Variants in GIT2 observed in about 807,000 individuals in gnomAD.
The protein encoded by GIT2 is ARF GTPase-activating protein GIT2.
A neutral mutation model predicts 100.3 loss-of-function variants in GIT2; 32 were observed. That is an observed-to-expected ratio of 0.32 (90% confidence interval 0.24 to 0.43). The LOEUF is 0.43. GIT2 is among the 20% of genes least tolerant of loss of function. The pLI, the probability that GIT2 is intolerant of heterozygous loss-of-function variation, is 1.00. For synonymous variants in GIT2, 353 were observed against 364.1 expected, an observed-to-expected ratio of 0.97 and a Z score of 0.35; for missense variants, 737 against 975.1, an observed-to-expected ratio of 0.76 and a Z score of 3.25.
At chr12:109,960,976 T>C (rs1022735229) in intron 11 of GIT2, among the ~76,000 whole-genome samples, 15 of 152,226 alleles carry the variant, frequency 9.9e-5, no homozygotes, top group Non-Finnish European at 1.3e-4. Context: ...TTTTATTAAT[T>C]TGACTGATAA....
At chr12:109,970,179 C>A (rs367725438) in intron 7 of GIT2, among the ~76,000 whole-genome samples, 3 of 151,986 alleles carry the variant, frequency 2.0e-5, no homozygotes, top group Non-Finnish European at 2.9e-5. Flanking sequence ...CATGGATGTC[C>A]GGTTGTCCCA....
chr12:109,945,607 AT>A (rs2136223274), intron 15 of GIT2, among the ~76,000 whole-genome samples: 1 of 152,288 alleles, frequency 6.6e-6, no homozygotes, highest in African/African-American at 2.4e-5. Flanking sequence ...CTTGTCAATA[AT>A]TTTTTAATGG....
Position 109,996,199 on chromosome 12 carries a change from TC to T in GIT2, c.25del (p.Glu9ArgfsTer16). On this transcript the variant is annotated frameshift_variant, in exon 1 of 20. Transcript: ENST00000355312. LOFTEE classifies it high-confidence loss of function. MSKRLRSS[E>X]VCADCSGPDP... ...CGGCCCGCTGCAGTCAGCGCACACCTCGCTGCTCCGGAGCCGTTTCGACATG... is the reference window on the plus strand; with the variant it reads ...CGGCCCGCTGCAGTCAGCGCACACCTGCTGCTCCGGAGCCGTTTCGACATG... 1 of 1,532,366 alleles carries T rather than the reference TC, an allele frequency of 6.5e-7. No individual in the cohort carries two copies. The highest frequency in any genetic ancestry group is 2.0e-5 in the Admixed American group (1 of 49,582). The allele number at this position is 1,532,366 out of a possible 1,614,324, so 94.9% of individuals were successfully genotyped here.
At chr12:109,963,999 C>CT (rs1283273080) in intron 9 of GIT2, among the ~76,000 whole-genome samples, 1 of 152,212 alleles carries the variant, frequency 6.6e-6, no homozygotes, top group Non-Finnish European at 1.5e-5. Context: ...TGTTCCAGGT[C>CT]TTTACTTCAT....
In GIT2 at chr12:109,934,585, C is replaced by T. The variant is rs1266255133; in HGVS notation, c.2004-500G>A. On this transcript the variant is annotated intron_variant, in intron 18 of 19. Coordinates refer to ENST00000355312, the MANE Select transcript of GIT2 (RefSeq NM_057169.5). The surrounding 1 kb of genome is among the most constrained non-coding windows in gnomAD (Gnocchi z 4.5). ...TTTTTGTAGAGGAGTCCCACTATGT[C>T]GCCCAGCCTTGTGTTGAACTCCTGG... Among the ~76,000 whole-genome samples, 1 of 152,180 alleles carries T rather than the reference C, an allele frequency of 6.6e-6. No homozygotes were observed. The highest frequency in any genetic ancestry group is 2.4e-5 in the African/African-American group (1 of 41,444).
chr12:109,959,927 T>C lies in GIT2; in HGVS notation c.1019A>G (p.His340Arg). Residue 340 changes from histidine (H) to arginine (R), a missense_variant, in exon 12 of 20, where the codon CAT (histidine) becomes CGT (arginine). Transcript: ENST00000355312. ...GTCAATGACCAGCGTGGCAAACTCA[T>C]GGGCGTTGAACCGAGCTAACTTCTG... The part of the protein sequence containing the change: ...GRQKLARFNA[H>R]EFATLVIDIL... 2.5e-6 allele frequency: 4 copies of C among 1,613,740 alleles called. No individual in the cohort carries two copies. Among genetic ancestry groups the C allele is most frequent in the Non-Finnish European group, 3.4e-6 (4 of 1,179,634 alleles).
chr12:109,967,378 AAATAT>A (rs1157342500), intron 8 of GIT2, 75 bp downstream of exon 8: 2 of 1,536,146 alleles, frequency 1.3e-6, no homozygotes, highest in African/African-American at 2.7e-5. Context: ...GTTAAACACA[AAATAT>A]AATATACTTA....
At chr12:109,943,964 G>A (rs151113295) in intron 16 of GIT2, among the ~76,000 whole-genome samples, 2 of 152,274 alleles carry the variant, frequency 1.3e-5, no homozygotes, top group African/African-American at 4.8e-5. Context: ...AAGTGTGTGA[G>A]TCACTGCACT....
intron 4 of GIT2, among the ~76,000 whole-genome samples, chr12:109,984,934 G>A (rs1451731535): frequency 6.6e-6 from 1 of 152,092 alleles, no homozygotes; most frequent in Non-Finnish European, 1.5e-5. Context: ...TTCTTGGCCT[G>A]TATAATATGC....
chr12:109,971,721 G>A (rs1223993270), intron 7 of GIT2, among the ~76,000 whole-genome samples: 10 of 151,668 alleles, frequency 6.6e-5, no homozygotes, highest in African/African-American at 2.4e-4. Flanking sequence ...GGCAGGGTGC[G>A]GTGGCTCACA....
chr12:109,999,325 T>C (rs1889809169), upstream of GIT2: 3 of 154,090 alleles, frequency 1.9e-5, no homozygotes, highest in Admixed American at 1.3e-4. The surrounding 1 kb of genome is among the most constrained non-coding windows in gnomAD (Gnocchi z 4.3). Flanking sequence ...TGGAGGTGGG[T>C]GCAATGGCGC....
rs1342154089 is a variant in GIT2 at position 109,935,128 on chromosome 12, G to T, written c.2004-1043C>A. Among the ~76,000 whole-genome samples the T allele has an allele frequency of 8.6e-5, 13 of 150,690 alleles. 1 individual carries two copies. Among genetic ancestry groups the T allele is most frequent in the Admixed American group, 7.9e-4 (12 of 15,128 alleles). On this transcript the variant is annotated intron_variant, in intron 18 of 19. Transcript: ENST00000355312. ...TTTAAATTAAACCATTACATTTCAA[G>T]AAAATGGTTTATAGTATCCAAAAAT...
At position 109,938,544 on chromosome 12, in the gene GIT2, T is replaced by C. The variant is rs1314258315; in HGVS notation, c.1839A>G (p.Arg613=). The C allele has an allele frequency of 1.9e-6, 3 of 1,604,966 alleles. No individual in the cohort carries two copies. In the South Asian group the frequency reaches 3.3e-5, roughly 18 times the overall value. Residue 613 remains arginine (R), a synonymous_variant, in exon 18 of 20, where the codon AGA becomes AGG. Coordinates refer to ENST00000355312, the MANE Select transcript of GIT2 (RefSeq NM_057169.5). ...AGCCATCCCCTGGCCACACCATACTTCTTTGCCGTCCCTTTCGGCTTGACC... is the reference window on the plus strand; with the variant it reads ...AGCCATCCCCTGGCCACACCATACTCCTTTGCCGTCCCTTTCGGCTTGACC... ...GMGSSRKGRQ[R]SMVWPGDGLV...
chr12:109,949,002 T>C (rs1877101461), intron 14 of GIT2: 2 of 590,398 alleles, frequency 3.4e-6, no homozygotes, highest in Non-Finnish European at 5.9e-6. Flanking sequence ...GCTGTGAAAG[T>C]GTGACTTACT....
At position 109,978,229 on chromosome 12, in the gene GIT2, C is replaced by T. The variant is rs930705364; in HGVS notation, c.718+2723G>A. On this transcript the variant is annotated intron_variant, in intron 7 of 19. Transcript: ENST00000355312. The stretch of plus-strand genomic sequence containing the variant: ...ACCTGAGTAGCTGGGATTACAGGTG[C>T]GCACCAACATGCCCGGCTACTTTTT... 2.0e-4 allele frequency among the ~76,000 whole-genome samples: 30 copies of T among 151,772 alleles called. No homozygotes were observed. In the Middle Eastern group the frequency reaches 0.01, roughly 52 times the overall value.
intron 13 of GIT2, 152 bp from the exon 14 acceptor site, chr12:109,951,468 A>G (rs1877831452): frequency 3.1e-6 from 2 of 635,590 alleles, no homozygotes; most frequent in Non-Finnish European, 5.5e-6. Flanking sequence ...AAACTAAAAC[A>G]TAAAAGTAGG....
Position 109,989,733 on chromosome 12 carries a change from T to A in GIT2, c.256A>T (p.Ile86Phe). Residue 86 changes from isoleucine to phenylalanine, a missense_variant, in exon 3 of 20, where the codon ATT becomes TTT. Around this residue, in one of 3 missense-constraint regions of GIT2, gnomAD observed 266 missense variants for 376.2 expected, o/e 0.71. Transcript: ENST00000355312. ...TTAGCTTTACGTCTTCCACTCATAA[T>A]AGACGCAGGGTCCAGCAAAGAATGC... is the stretch of plus-strand genomic sequence containing the variant. ...WEHSLLDPASIMSGRRKANPQ... is the reference protein window; with the variant it reads ...WEHSLLDPASFMSGRRKANPQ... The A allele has an allele frequency of 1.3e-6, 2 of 1,599,668 alleles. No individual in the cohort carries two copies. The highest frequency in any genetic ancestry group is 8.6e-7 in the Non-Finnish European group (1 of 1,166,838).
At chr12:109,943,708 A>G (rs1254800714) in intron 16 of GIT2, among the ~76,000 whole-genome samples, 1 of 143,984 alleles carries the variant, frequency 6.9e-6, no homozygotes. Context: ...TTTTTTTGAG[A>G]CAGGGCCTCA....
At chr12:109,996,034 G>T in intron 1 of GIT2, 139 bp downstream of exon 1, 1 of 551,598 alleles carries the variant, frequency 1.8e-6, no homozygotes, top group Non-Finnish European at 3.1e-6. Flanking sequence ...GCCCGGGACG[G>T]TTCCCACCCC....
Sources: gnomAD v4.1 joint callset for allele counts (sites outside exome capture counted in the v4.1 genomes callset) on GRCh38, gnomAD v4.1.1 for gene constraint, gnomAD v4.1.1 regional missense constraint, Gnocchi (gnomAD v3.1) non-coding constraint, MANE v1.5 for transcripts, NCBI Gene and HGNC (gene_info 2026-07-23, HGNC 2026-07-21) for gene names.